CALCR: variants seen among roughly 807,000 people sequenced by gnomAD.
CALCR encodes calcitonin receptor.
In CALCR, 47 loss-of-function variants were observed where a neutral mutation model predicts 59.5. That is an observed-to-expected ratio of 0.79 (90% confidence interval 0.63 to 1.01). The LOEUF (loss-of-function observed/expected upper bound fraction) is 1.01. CALCR is among the 50% of genes least tolerant of loss of function. The pLI is 0.00. For synonymous variants in CALCR, 213 were observed against 211.3 expected (o/e 1.01, Z -0.07); for missense variants, 566 against 597.1 (o/e 0.95, Z 0.54).
chr7:93,428,165 T>C (rs982426700), intron 13 of CALCR, among the ~76,000 whole-genome samples: 13 of 152,206 alleles, frequency 8.5e-5, no homozygotes, highest in Admixed American at 6.5e-4. Flanking sequence ...GAACAAAAGA[T>C]AGAATAACAA....
chr7:93,514,042 C>T lies in CALCR; in HGVS notation c.-26-27035G>A, dbSNP rs1258492503. ...AGAGGGTGACATTCTATATTTGAAT[C>T]AATCATTAGAACTTTGCTTATCACA... is the stretch of plus-strand genomic sequence containing the variant. On this transcript the variant is annotated intron_variant, in intron 2 of 13. Transcript: ENST00000426151. 3.3e-5 allele frequency among the ~76,000 whole-genome samples: 5 copies of T among 152,066 alleles called. No individual in the cohort carries two copies. In the East Asian group the frequency reaches 5.8e-4, roughly 18 times the overall value.
chr7:93,444,783 T>C (rs1290253751), intron 8 of CALCR, among the ~76,000 whole-genome samples: 1 of 152,100 alleles, frequency 6.6e-6, no homozygotes. Context: ...GGAGTGGTTA[T>C]TTGCATTACT....
intron 2 of CALCR, chr7:93,495,967 C>T: frequency 6.7e-7 from 1 of 1,496,390 alleles, no homozygotes; most frequent in East Asian, 2.5e-5. Context: ...CAGTGGGAAT[C>T]ATTTATTCTG....
chr7:93,530,873 C>A (rs781754064), intron 2 of CALCR, among the ~76,000 whole-genome samples: 8 of 152,052 alleles, frequency 5.3e-5, no homozygotes, highest in Non-Finnish European at 8.8e-5. Flanking sequence ...GTCCCTGGAC[C>A]AGCAGCACAG....
intron 8 of CALCR, 127 bp from the exon 9 acceptor site, chr7:93,443,884 G>T (rs1241755433): frequency 2.8e-6 from 2 of 723,782 alleles, no homozygotes; most frequent in Non-Finnish European, 4.6e-6. Flanking sequence ...CCAAGCATCT[G>T]TAAACATGTG....
intron 2 of CALCR, among the ~76,000 whole-genome samples, chr7:93,491,606 A>C (rs1324766574): frequency 6.6e-6 from 1 of 152,060 alleles, no homozygotes; most frequent in Non-Finnish European, 1.5e-5. Context: ...GGATATGGAC[A>C]CTTCTCAAAA....
intron 5 of CALCR, among the ~76,000 whole-genome samples, chr7:93,477,072 AT>A (rs1800681232): frequency 6.6e-6 from 1 of 151,774 alleles, no homozygotes; most frequent in Non-Finnish European, 1.5e-5. Flanking sequence ...GGGTAGACTC[AT>A]TTTTCTTCTT....
rs151240757 is a variant in CALCR at position 93,551,473 on chromosome 7, C to A, written c.-27+22816G>T. ...AATCAATTCTTAAATGTTCAAACAA[C>A]CATAACAACAACTTCTTTACAGGTT... On this transcript the variant is annotated intron_variant, in intron 2 of 13. Transcript: ENST00000426151. Among the ~76,000 whole-genome samples the A allele has an allele frequency of 3.8e-4, 58 of 152,294 alleles. No individual in the cohort carries two copies. The East Asian group carries it at 9.4e-3, about 25-fold the overall frequency.
At chr7:93,534,218 A>C (rs748905092) in intron 2 of CALCR, among the ~76,000 whole-genome samples, 3 of 151,946 alleles carry the variant, frequency 2.0e-5, no homozygotes, top group Admixed American at 6.6e-5. Flanking sequence ...AATAGCCCTA[A>C]GAAGTATGTA....
At chr7:93,563,523 A>G (rs528849696) in intron 2 of CALCR, among the ~76,000 whole-genome samples, 2 of 152,290 alleles carry the variant, frequency 1.3e-5, no homozygotes, top group South Asian at 2.1e-4. Context: ...TGAGATGTCA[A>G]CCTGGCAAAG....
At chr7:93,452,305 A>G (rs145147527) in intron 8 of CALCR, among the ~76,000 whole-genome samples, 1 of 152,088 alleles carries the variant, frequency 6.6e-6, no homozygotes, top group East Asian at 1.9e-4. Flanking sequence ...TCACAACCCA[A>G]TGAGAAACAT....
chr7:93,543,564 G>A (rs971956722), intron 2 of CALCR, among the ~76,000 whole-genome samples: 12 of 152,030 alleles, frequency 7.9e-5, no homozygotes, highest in African/African-American at 2.7e-4. Context: ...TAGATGATAA[G>A]AATTCTTCAG....
chr7:93,473,047 C>T (rs1281171368), intron 5 of CALCR, among the ~76,000 whole-genome samples: 1 of 151,754 alleles, frequency 6.6e-6, no homozygotes, highest in Admixed American at 6.6e-5. Flanking sequence ...TATCAAGAGG[C>T]CATTTTTCTG....
intron 4 of CALCR, 66 bp downstream of exon 4, chr7:93,479,288 T>C (rs1800739177): frequency 6.9e-7 from 1 of 1,452,908 alleles, no homozygotes; most frequent in Non-Finnish European, 9.3e-7. Flanking sequence ...AACACATATT[T>C]AACCACAAAA....
At chr7:93,428,680 A>G (rs1010739266) in intron 13 of CALCR, among the ~76,000 whole-genome samples, 1 of 151,434 alleles carries the variant, frequency 6.6e-6, no homozygotes, top group Non-Finnish European at 1.5e-5. Flanking sequence ...CCAGCTACTC[A>G]GGAGGCTGAG....
chr7:93,475,252 A>C (rs1313486598), intron 5 of CALCR, among the ~76,000 whole-genome samples: 1 of 151,828 alleles, frequency 6.6e-6, no homozygotes, highest in African/African-American at 2.4e-5. Context: ...AGATGTTTTC[A>C]AGCAACCTAT....
At chr7:93,445,361 T>C (rs1301574852) in intron 8 of CALCR, among the ~76,000 whole-genome samples, 1 of 152,120 alleles carries the variant, frequency 6.6e-6, no homozygotes, top group Non-Finnish European at 1.5e-5. Flanking sequence ...GCTATTCTTA[T>C]TTAAAAGCCC....
chr7:93,494,167 T>G (rs530376323), intron 2 of CALCR, among the ~76,000 whole-genome samples: 1 of 151,516 alleles, frequency 6.6e-6, no homozygotes, highest in East Asian at 2.0e-4. Context: ...GAAACCAGCT[T>G]CTTTATGAAG....
intron 5 of CALCR, among the ~76,000 whole-genome samples, chr7:93,474,575 A>G (rs909179542): frequency 6.6e-6 from 1 of 151,744 alleles, no homozygotes; most frequent in African/African-American, 2.4e-5. Context: ...GTTGAATTAA[A>G]TAACATAGAA....
Sources: gnomAD v4.1 joint callset for allele counts (sites outside exome capture counted in the v4.1 genomes callset) on GRCh38, gnomAD v4.1.1 for gene constraint, MANE v1.5 for transcripts, NCBI Gene and HGNC (gene_info 2026-07-23, HGNC 2026-07-21) for gene names.